Variants in PEAK1 observed in about 807,000 individuals in gnomAD.
PEAK1 encodes pseudopodium enriched atypical kinase 1, also known as inactive tyrosine-protein kinase PEAK1.
PEAK1 carries 54 observed loss-of-function variants against 124.7 expected under a neutral mutation model. The observed-to-expected ratio is 0.43, with a 90% CI of 0.35 to 0.54. The LOEUF (loss-of-function observed/expected upper bound fraction) is 0.54. Ranked by LOEUF, PEAK1 falls within the 20% of genes least tolerant of loss-of-function variation. The probability of loss-of-function intolerance (pLI) is 0.01; values close to 1 mark genes in which losing one functional copy is unlikely to be tolerated. For missense variants in PEAK1, 2,046 were observed against 2,134.5 expected, an observed-to-expected ratio of 0.96 and a Z score of 0.82; for synonymous variants, 719 against 760.0, an observed-to-expected ratio of 0.95 and a Z score of 0.89.
intron 8 of PEAK1, among the ~76,000 whole-genome samples, chr15:77,140,038 AAGAC>A (rs541555419): frequency 2.0e-4 from 31 of 152,284 alleles, no homozygotes; most frequent in African/African-American, 7.2e-4. Flanking sequence ...TTACTACTGA[AAGAC>A]AGAAAGTAGT....
chr15:77,268,056 T>C (rs1018900991), intron 5 of PEAK1, among the ~76,000 whole-genome samples: 1 of 152,100 alleles, frequency 6.6e-6, no homozygotes, highest in Non-Finnish European at 1.5e-5. Flanking sequence ...ACTTAGAGAA[T>C]TGCAAAATGC....
At chr15:77,338,812 T>C (rs1468698433) in intron 2 of PEAK1, among the ~76,000 whole-genome samples, 2 of 151,968 alleles carry the variant, frequency 1.3e-5, no homozygotes, top group Non-Finnish European at 2.9e-5. Flanking sequence ...CATTTCTATC[T>C]AAGCTAATGT....
chr15:77,250,230 T>C (rs1380570416), intron 6 of PEAK1, among the ~76,000 whole-genome samples: 6 of 125,372 alleles, frequency 4.8e-5, no homozygotes, highest in African/African-American at 1.3e-4. Context: ...TACACATATA[T>C]ATGTATATGT....
At chr15:77,404,823 T>C in intron 1 of PEAK1, 1 of 962,186 alleles carries the variant, frequency 1.0e-6, no homozygotes, top group Non-Finnish European at 1.2e-6. Flanking sequence ...ATTCAACTTA[T>C]CGAATGTAAC....
chr15:77,355,867 C>A, intron 2 of PEAK1: 1 of 985,318 alleles, frequency 1.0e-6, no homozygotes, highest in Non-Finnish European at 1.2e-6. Context: ...GGAAAAGTTA[C>A]AGCCCTGGAA....
rs566221229 is a variant in PEAK1, at chr15:77,115,520, G to C, written c.4078-201C>G. On this transcript the variant is annotated intron_variant, in intron 9 of 9. Coordinates refer to ENST00000682557, the MANE Select transcript of PEAK1 (RefSeq NM_001385026.1). ...TTGTCTACATGCCAGGCTGTGGTGAGCACTTTAAGTGTACCATTTTTAGTC... is the reference window on the plus strand; with the variant it reads ...TTGTCTACATGCCAGGCTGTGGTGACCACTTTAAGTGTACCATTTTTAGTC... 2.0e-4 allele frequency among the ~76,000 whole-genome samples: 31 copies of C among 152,240 alleles called. 1 individual carries two copies. In the South Asian group the frequency reaches 5.6e-3, roughly 28 times the overall value.
chr15:77,252,573 C>G (rs954967618), intron 5 of PEAK1, 47 bp from the exon 6 acceptor site: 5 of 903,708 alleles, frequency 5.5e-6, no homozygotes, highest in African/African-American at 1.8e-5. Flanking sequence ...AATATAATTT[C>G]AAATATATTG....
intron 6 of PEAK1, among the ~76,000 whole-genome samples, chr15:77,208,135 T>C (rs940001320): frequency 1.3e-5 from 2 of 152,214 alleles, no homozygotes; most frequent in Admixed American, 1.3e-4. Flanking sequence ...AGCTACTATA[T>C]ACAGTGCTTC....
intron 1 of PEAK1, among the ~76,000 whole-genome samples, chr15:77,397,529 T>C (rs1370925136): frequency 2.0e-5 from 3 of 150,252 alleles, no homozygotes; most frequent in African/African-American, 7.3e-5. Context: ...AACATAAAAT[T>C]GACAAACCTT....
intron 5 of PEAK1, among the ~76,000 whole-genome samples, chr15:77,264,112 A>G (rs975847895): frequency 2.0e-5 from 3 of 152,244 alleles, no homozygotes; most frequent in Non-Finnish European, 2.9e-5. Context: ...TCTCAAAATA[A>G]TAAGAGCTAT....
chr15:77,162,355 G>T (rs1256355421), intron 7 of PEAK1, among the ~76,000 whole-genome samples: 1 of 151,806 alleles, frequency 6.6e-6, no homozygotes, highest in Non-Finnish European at 1.5e-5. Flanking sequence ...TTAGGTGGGC[G>T]TGGTGGCGGG....
intron 2 of PEAK1, chr15:77,331,051 T>G: frequency 1.2e-6 from 1 of 854,518 alleles, no homozygotes; most frequent in Non-Finnish European, 1.4e-6. Context: ...CATTCCTAAT[T>G]ATTGCATAGC....
chr15:77,214,431 C>T (rs972354592), intron 6 of PEAK1, among the ~76,000 whole-genome samples: 5 of 151,086 alleles, frequency 3.3e-5, no homozygotes, highest in African/African-American at 1.2e-4. Flanking sequence ...CCTGGCTAAC[C>T]CGGTGAAACC....
chr15:77,203,427 T>G (rs113149139), intron 6 of PEAK1, among the ~76,000 whole-genome samples: 1,567 of 152,270 alleles, frequency 0.01, 32 homozygotes, highest in African/African-American at 0.036. Context: ...TGATGAAGTT[T>G]TATTCTTGTG....
At chr15:77,313,724 G>GTGTGTA (rs1555478174) in intron 2 of PEAK1, among the ~76,000 whole-genome samples, 22 of 108,330 alleles carry the variant, frequency 2.0e-4, no homozygotes, top group Middle Eastern at 5.2e-3. Context: ...GTGTGTGTGT[G>GTGTGTA]TGTATATATA....
intron 5 of PEAK1, among the ~76,000 whole-genome samples, chr15:77,253,214 A>T (rs987218032): frequency 1.5e-5 from 2 of 137,094 alleles, no homozygotes; most frequent in African/African-American, 5.2e-5. Context: ...TTATATAAAG[A>T]ACCTGAGCAT....
Position 77,179,019 on chromosome 15 carries a change from G to A in PEAK1, c.2908C>T (p.Arg970Cys), listed in dbSNP as rs117879553. The A allele has an allele frequency of 1.6e-3, 2,586 of 1,614,106 alleles. 3 individuals carry two copies. Among genetic ancestry groups the A allele is most frequent in the Non-Finnish European group, 2.0e-3 (2,366 of 1,180,018 alleles). The change falls in exon 7 of 10, where the codon CGC (arginine) becomes TGC (cysteine). Residue 970 changes from arginine (R) to cysteine (C), a missense_variant. By Grantham distance (180) the Arg-to-Cys change is radical. Transcript: ENST00000682557. ...IHMLPPPPVQ[R>C]HHWFTEAKGE... ...TTCGCCTCTGTGAACCAGTGATGGCGCTGAACTGGAGGAGGAGGCAGCATG... is the reference window on the plus strand; with the variant it reads ...TTCGCCTCTGTGAACCAGTGATGGCACTGAACTGGAGGAGGAGGCAGCATG...
chr15:77,185,185 T>A (rs1391619919), intron 6 of PEAK1, among the ~76,000 whole-genome samples: 1 of 152,214 alleles, frequency 6.6e-6, no homozygotes, highest in Non-Finnish European at 1.5e-5. Context: ...TTTACTGAGA[T>A]GACAACATTG....
intron 5 of PEAK1, chr15:77,255,493 C>T (rs1448778188): frequency 1.8e-6 from 1 of 571,092 alleles, no homozygotes; most frequent in Non-Finnish European, 2.2e-6. Flanking sequence ...TTTGGGAAAA[C>T]ATCATGAAGA....
Sources: allele counts gnomAD v4.1 joint callset (sites outside exome capture counted in the v4.1 genomes callset), GRCh38; gene constraint gnomAD v4.1.1; transcripts MANE v1.5; gene names NCBI Gene and HGNC (gene_info 2026-07-23, HGNC 2026-07-21).